Variants in PHF20L1 observed in about 807,000 individuals in gnomAD.
The protein encoded by PHF20L1 is PHD finger protein 20-like protein 1.
A neutral mutation model predicts 125.5 loss-of-function variants in PHF20L1; 44 were observed. The ratio of observed to expected loss-of-function variants is 0.35; its 90% confidence interval spans 0.28 to 0.45. PHF20L1 has a LOEUF of 0.45. Ranked by LOEUF, PHF20L1 falls within the 20% of genes least tolerant of loss-of-function variation. The pLI is 1.00. For synonymous variants in PHF20L1, 380 were observed against 403.1 expected, an observed-to-expected ratio of 0.94 and a Z score of 0.69; for missense variants, 1,012 against 1,217.2, an observed-to-expected ratio of 0.83 and a Z score of 2.51.
intron 14 of PHF20L1, among the ~76,000 whole-genome samples, chr8:132,827,456 C>T (rs1030995495): frequency 2.6e-5 from 4 of 151,970 alleles, no homozygotes; most frequent in Admixed American, 6.6e-5. Flanking sequence ...GGTTATCTTA[C>T]GGCACAGCAA....
chr8:132,823,610 A>G (rs200159191), intron 12 of PHF20L1, among the ~76,000 whole-genome samples: 1 of 151,946 alleles, frequency 6.6e-6, no homozygotes, highest in African/African-American at 2.4e-5. Flanking sequence ...TTACGTATTT[A>G]CCAGTCTTTG....
intron 9 of PHF20L1, chr8:132,812,594 A>T: frequency 1.0e-6 from 1 of 983,218 alleles, no homozygotes. Flanking sequence ...TTAGATTTTC[A>T]GGAACACCAT....
At chr8:132,793,026 A>G (rs955715280) in intron 2 of PHF20L1, among the ~76,000 whole-genome samples, 24 of 140,090 alleles carry the variant, frequency 1.7e-4, no homozygotes, top group African/African-American at 6.5e-4. Context: ...AATGTTCTTC[A>G]GCACCCAGTT....
At chr8:132,787,072 C>G (rs904098141) in intron 2 of PHF20L1, among the ~76,000 whole-genome samples, 3 of 151,504 alleles carry the variant, frequency 2.0e-5, no homozygotes, top group African/African-American at 7.3e-5. Context: ...GTATGAAGTT[C>G]GTAAACTTTG....
In PHF20L1 at chr8:132,842,889, A is replaced by G. The variant is rs1163084416; in HGVS notation, c.2748+14A>G. Reference sequence around the variant, plus strand: ...ATGCCTGAAAAGGTAAAACTAGTTCATTTTTCTTTGCTTGGAAACTATGAG... The same window carrying G: ...ATGCCTGAAAAGGTAAAACTAGTTCGTTTTTCTTTGCTTGGAAACTATGAG... On this transcript the variant is annotated intron_variant, in intron 19 of 20. Coordinates refer to ENST00000395386, the MANE Select transcript of PHF20L1 (RefSeq NM_016018.5). The G allele has an allele frequency of 1.9e-6, 3 of 1,576,574 alleles. No homozygotes were observed. Among genetic ancestry groups the G allele is most frequent in the Middle Eastern group, 1.7e-4 (1 of 5,886 alleles).
At chr8:132,833,925 C>A (rs1046989703) in intron 15 of PHF20L1, among the ~76,000 whole-genome samples, 7 of 152,230 alleles carry the variant, frequency 4.6e-5, no homozygotes, top group Admixed American at 4.6e-4. Context: ...GGGCCTCACC[C>A]TCAGAATTTC....
At chr8:132,841,355 A>C (rs1236085437) in intron 18 of PHF20L1, among the ~76,000 whole-genome samples, 1 of 151,984 alleles carries the variant, frequency 6.6e-6, no homozygotes, top group African/African-American at 2.4e-5. Context: ...GGACTATTGG[A>C]CTGCAGTGCC....
chr8:132,813,422 C>G (rs961465924), intron 9 of PHF20L1, among the ~76,000 whole-genome samples: 1 of 151,898 alleles, frequency 6.6e-6, no homozygotes, highest in Non-Finnish European at 1.5e-5. Context: ...CTACTTAATA[C>G]CAAATATGCA....
chr8:132,845,067 C>A (rs567645966), intron 20 of PHF20L1, among the ~76,000 whole-genome samples: 40 of 152,076 alleles, frequency 2.6e-4, no homozygotes, highest in African/African-American at 9.6e-4. Context: ...ATTTTAGAAG[C>A]CTCTTCCATC....
rs113143932 is a variant in PHF20L1 at position 132,829,924 on chromosome 8, C to T, written c.1745-2311C>T. ...AATTGCATTTGGCACATAGAGAGCC[C>T]TCAATCAGTGTTGGTTGTGCCGTGG... On this transcript the variant is annotated intron_variant, in intron 14 of 20. Transcript: ENST00000395386. Among the ~76,000 whole-genome samples the T allele has an allele frequency of 7.7e-3, 1,169 of 152,112 alleles. 14 individuals carry two copies. Among genetic ancestry groups the T allele is most frequent in the African/African-American group, 0.027 (1,123 of 41,520 alleles).
intron 13 of PHF20L1, 83 bp from the exon 14 acceptor site, chr8:132,825,181 C>T (rs1236218417): frequency 6.4e-6 from 10 of 1,567,338 alleles, no homozygotes; most frequent in Non-Finnish European, 8.7e-6. Flanking sequence ...CTGATTAAAA[C>T]ATAAATGCTG....
chr8:132,847,247 C>T lies in PHF20L1; in HGVS notation c.*1324C>T, dbSNP rs1169786222. 2.0e-5 allele frequency: 3 copies of T among 152,394 alleles called. No individual in the cohort carries two copies. The highest frequency in any genetic ancestry group is 4.8e-5 in the African/African-American group (2 of 41,374). The allele number at this position is 152,394 out of a possible 1,614,324, so 9.4% of individuals were successfully genotyped here. A position where few individuals can be genotyped will look rare whatever the true frequency, so the allele number is the denominator to read the frequency against. On this transcript the variant is annotated 3_prime_UTR_variant, in exon 21 of 21. Transcript: ENST00000395386. ...TCTAGTTTTATTACTATAGACTATA[C>T]GAATTGGTGGTTAACATGAAATGTT... is the stretch of plus-strand genomic sequence containing the variant.
chr8:132,812,150 C>T (rs1417132398), intron 9 of PHF20L1: 3 of 979,486 alleles, frequency 3.1e-6, no homozygotes, highest in Non-Finnish European at 2.4e-6. Context: ...AAGTCTTTGC[C>T]GTTATTGTCA....
chr8:132,777,470 G>T (rs1200756547), intron 1 of PHF20L1, among the ~76,000 whole-genome samples: 1 of 152,198 alleles, frequency 6.6e-6, no homozygotes, highest in Admixed American at 6.5e-5. Context: ...TCCCCGTGGA[G>T]AATTTTCTTG....
chr8:132,824,206 C>G, intron 13 of PHF20L1, 146 bp downstream of exon 13: 1 of 484,660 alleles, frequency 2.1e-6, no homozygotes, highest in East Asian at 3.3e-5. Flanking sequence ...TTAGTCAGCT[C>G]CAGATACATG....
chr8:132,818,787 G>A (rs1412747914), intron 12 of PHF20L1: 1 of 151,718 alleles, frequency 6.6e-6, no homozygotes, highest in South Asian at 2.1e-4. Flanking sequence ...GGTCTTATTC[G>A]GTTCTTTAAC....
intron 6 of PHF20L1, 108 bp from the exon 7 acceptor site, chr8:132,803,711 T>C (rs903010319): frequency 3.1e-6 from 2 of 636,462 alleles, no homozygotes; most frequent in Non-Finnish European, 5.6e-6. Flanking sequence ...TATGTTTATG[T>C]AGTTACCTGT....
chr8:132,824,065 G>T lies in PHF20L1; in HGVS notation c.1636+5G>T. ...ACAAAAGCTCAACAGCATTTGGTATGAACAGAAAGTAATCTTTAAGCAAAA... is the reference window on the plus strand; with the variant it reads ...ACAAAAGCTCAACAGCATTTGGTATTAACAGAAAGTAATCTTTAAGCAAAA... On this transcript the variant is annotated splice_donor_5th_base_variant and intron_variant, in intron 13 of 20. Transcript: ENST00000395386. The T allele has an allele frequency of 6.4e-7, 1 of 1,570,260 alleles. No individual in the cohort carries two copies. The highest frequency in any genetic ancestry group is 1.1e-5 in the South Asian group (1 of 89,192).
chr8:132,837,469 T>G (rs2131892588), intron 16 of PHF20L1, among the ~76,000 whole-genome samples: 1 of 152,244 alleles, frequency 6.6e-6, no homozygotes, highest in African/African-American at 2.4e-5. Flanking sequence ...AATTATGACT[T>G]AAGTACTTGA....
Sources: gnomAD v4.1 joint callset for allele counts (sites outside exome capture counted in the v4.1 genomes callset) on GRCh38, gnomAD v4.1.1 for gene constraint, MANE v1.5 for transcripts, NCBI Gene and HGNC (gene_info 2026-07-23, HGNC 2026-07-21) for gene names.